The following MALRD1 variants were observed in gnomAD, a reference collection of about 807,000 sequenced individuals.
MALRD1 encodes the protein MAM and LDL-receptor class A domain-containing protein 1.
Under a neutral mutation model 242.1 loss-of-function variants are expected in MALRD1, and 247 were observed. That is an observed-to-expected ratio of 1.02 (90% CI 0.92 to 1.13). MALRD1 has a LOEUF of 1.13. Ranked by LOEUF, MALRD1 falls within the 50% of genes most tolerant of loss-of-function variation. The probability of loss-of-function intolerance (pLI) is 0.00; values close to 1 mark genes in which losing one functional copy is unlikely to be tolerated. For synonymous variants in MALRD1, 995 were observed against 866.6 expected (o/e 1.15, Z -2.60); for missense variants, 2,989 against 2,533.1 (o/e 1.18, Z -3.86).
At chr10:19,186,429 A>G (rs1449000585) in intron 14 of MALRD1, among the ~76,000 whole-genome samples, 2 of 152,230 alleles carry the variant, frequency 1.3e-5, no homozygotes, top group Non-Finnish European at 2.9e-5. Context: ...AACTATTTCT[A>G]TAGTCAGGTA....
intron 36 of MALRD1, among the ~76,000 whole-genome samples, chr10:19,662,475 T>G (rs1453786020): frequency 3.3e-5 from 5 of 152,172 alleles, no homozygotes; most frequent in Non-Finnish European, 7.4e-5. Context: ...TTTTCGAGTT[T>G]AATATACCGT....
chr10:19,185,349 A>C (rs537828065), intron 14 of MALRD1, among the ~76,000 whole-genome samples: 1 of 152,296 alleles, frequency 6.6e-6, no homozygotes, highest in Admixed American at 6.5e-5. Flanking sequence ...TTTAGTCCAA[A>C]GTGCATGTAC....
In MALRD1 at chr10:19,647,394, A is replaced by C. The variant is rs148689069; in HGVS notation, c.6137+31471A>C. Among the ~76,000 whole-genome samples, 163 of 152,302 alleles carry C rather than the reference A, an allele frequency of 1.1e-3. 1 individual carries two copies. In the East Asian group the frequency reaches 0.024, roughly 23 times the overall value. On this transcript the variant is annotated intron_variant, in intron 36 of 39. Coordinates refer to ENST00000454679, the MANE Select transcript of MALRD1 (RefSeq NM_001142308.3). Reference sequence around the variant, plus strand: ...CAAGGTAGAGGAGCTTACCACGCCCAGTCTCCTTGGGAGTACATAGCAAGT... The same window carrying C: ...CAAGGTAGAGGAGCTTACCACGCCCCGTCTCCTTGGGAGTACATAGCAAGT...
At chr10:19,411,798 G>T (rs1382787378) in intron 28 of MALRD1, among the ~76,000 whole-genome samples, 1 of 152,148 alleles carries the variant, frequency 6.6e-6, no homozygotes, top group Non-Finnish European at 1.5e-5. Context: ...GTGATTTGGA[G>T]CTTGGTAAGA....
rs567302627 is a variant in MALRD1 at position 19,492,476 on chromosome 10, A to G, written c.5158+831A>G. Reference sequence around the variant, plus strand: ...GCCTGAGTCGAACTGATAGGGTGGAACTAGATAATCACATCCAAGATGACT... The same window carrying G: ...GCCTGAGTCGAACTGATAGGGTGGAGCTAGATAATCACATCCAAGATGACT... On this transcript the variant is annotated intron_variant, in intron 30 of 39. Coordinates refer to ENST00000454679, the MANE Select transcript of MALRD1 (RefSeq NM_001142308.3). 7.2e-5 allele frequency among the ~76,000 whole-genome samples: 11 copies of G among 152,260 alleles called. No homozygotes were observed. In the South Asian group the frequency reaches 8.3e-4, roughly 11 times the overall value.
chr10:19,080,864 A>G (rs1197695933), intron 2 of MALRD1, among the ~76,000 whole-genome samples: 2 of 152,096 alleles, frequency 1.3e-5, no homozygotes, highest in African/African-American at 4.8e-5. Flanking sequence ...TTTTCAGTCT[A>G]TTTATCCAGC....
At chr10:19,714,481 T>C (rs1440338774) in intron 38 of MALRD1, among the ~76,000 whole-genome samples, 1 of 152,082 alleles carries the variant, frequency 6.6e-6, no homozygotes, top group Non-Finnish European at 1.5e-5. Flanking sequence ...GTCTCGGGGT[T>C]TTTATACGCA....
chr10:19,134,921 A>G (rs1271096523), intron 9 of MALRD1, among the ~76,000 whole-genome samples: 1 of 152,112 alleles, frequency 6.6e-6, no homozygotes, highest in Non-Finnish European at 1.5e-5. Context: ...CCTCAAATTG[A>G]TATCATTTCT....
intron 12 of MALRD1, among the ~76,000 whole-genome samples, chr10:19,158,103 C>T (rs182483120): frequency 2.9e-4 from 44 of 152,326 alleles, no homozygotes; most frequent in Admixed American, 1.8e-3. Context: ...TTCTATCTTA[C>T]TGCTGTTGAA....
intron 38 of MALRD1, among the ~76,000 whole-genome samples, chr10:19,701,532 C>T (rs79867484): frequency 0.023 from 3,533 of 151,910 alleles, 150 homozygotes; most frequent in African/African-American, 0.081. Context: ...ACACCCTGGA[C>T]GAAGGGAGCA....
chr10:19,440,279 A>AT (rs1452961612), intron 28 of MALRD1, among the ~76,000 whole-genome samples: 1 of 151,350 alleles, frequency 6.6e-6, no homozygotes, highest in Non-Finnish European at 1.5e-5. Flanking sequence ...TCTGTTTCAT[A>AT]TTTTTTCAAG....
chr10:19,527,285 G>A (rs1383569636), intron 31 of MALRD1, among the ~76,000 whole-genome samples: 1 of 152,096 alleles, frequency 6.6e-6, no homozygotes, highest in Non-Finnish European at 1.5e-5. Flanking sequence ...ACTTAATTCA[G>A]GTTGCTGTGG....
chr10:19,563,806 C>T (rs928010759), intron 32 of MALRD1, among the ~76,000 whole-genome samples: 2 of 152,128 alleles, frequency 1.3e-5, no homozygotes, highest in African/African-American at 2.4e-5. Context: ...TTGGATGTCC[C>T]CTCCAAATCA....
intron 32 of MALRD1, among the ~76,000 whole-genome samples, chr10:19,556,377 A>T (rs1835717577): frequency 6.6e-6 from 1 of 152,136 alleles, no homozygotes; most frequent in Non-Finnish European, 1.5e-5. Context: ...CTATATCCAT[A>T]GTATCATGCA....
At chr10:19,644,122 T>A (rs1413243887) in intron 36 of MALRD1, among the ~76,000 whole-genome samples, 2 of 152,238 alleles carry the variant, frequency 1.3e-5, no homozygotes, top group Admixed American at 1.3e-4. Flanking sequence ...TTTTGTAAAA[T>A]TCCCTTCAAT....
At chr10:19,134,452 G>T (rs1833248449) in intron 9 of MALRD1, among the ~76,000 whole-genome samples, 1 of 152,134 alleles carries the variant, frequency 6.6e-6, no homozygotes, top group Admixed American at 6.5e-5. Flanking sequence ...AAATGTAATT[G>T]CAGCTTTTGC....
chr10:19,284,160 G>A lies in MALRD1; in HGVS notation c.3419+979G>A, dbSNP rs187230476. 3.9e-5 allele frequency among the ~76,000 whole-genome samples: 6 copies of A among 152,160 alleles called. No individual in the cohort carries two copies. The East Asian group carries it at 7.7e-4, about 20-fold the overall frequency. Reference sequence around the variant, plus strand: ...AATATTTTTCTTTATTGACTATTAAGGCTTTTGTCCATTTTGAACTTTTTT... The same window carrying A: ...AATATTTTTCTTTATTGACTATTAAAGCTTTTGTCCATTTTGAACTTTTTT... On this transcript the variant is annotated intron_variant, in intron 21 of 39. Coordinates refer to ENST00000454679, the MANE Select transcript of MALRD1 (RefSeq NM_001142308.3).
intron 36 of MALRD1, among the ~76,000 whole-genome samples, chr10:19,664,551 G>C (rs11818123): frequency 0.097 from 14,669 of 151,842 alleles, 1,761 homozygotes; most frequent in African/African-American, 0.28. Context: ...AAGCAAGCTT[G>C]TTTATTAAGT....
chr10:19,257,420 T>C (rs1184225914), intron 18 of MALRD1, among the ~76,000 whole-genome samples: 3 of 152,034 alleles, frequency 2.0e-5, no homozygotes, highest in African/African-American at 7.2e-5. Flanking sequence ...CAATCTAATA[T>C]ACTGAAATTT....
Sources: allele counts gnomAD v4.1 joint callset (sites outside exome capture counted in the v4.1 genomes callset), GRCh38; gene constraint gnomAD v4.1.1; transcripts MANE v1.5; gene names NCBI Gene and HGNC (gene_info 2026-07-23, HGNC 2026-07-21).